Variants in APCDD1L observed in about 807,000 individuals in gnomAD.
The protein encoded by APCDD1L is protein APCDD1-like.
Under a neutral mutation model 24.2 loss-of-function variants are expected in APCDD1L, and 21 were observed. The observed-to-expected ratio is 0.87, with a 90% CI of 0.61 to 1.25. The LOEUF is 1.25. APCDD1L is among the 50% of genes most tolerant of loss of function. APCDD1L has a pLI of 0.00. For missense variants in APCDD1L, 704 were observed against 711.7 expected (o/e 0.99, Z 0.12); for synonymous variants, 321 against 323.6 (o/e 0.99, Z 0.09).
chr20:58,514,703 G>A lies in APCDD1L; in HGVS notation c.5C>T (p.Pro2Leu). MPAAMLPYACVL... is the reference protein window; with the variant it reads MLAAMLPYACVL... ...GCAAGCGTAGGGGAGCATGGCTGCG[G>A]GCATCCCGTCGGGGCTGGCAGGACC... Residue 2 changes from proline to leucine, a missense_variant, in exon 1 of 4, where the codon CCC becomes CTC. Transcript: ENST00000371149. 1 of 1,309,880 alleles carries A rather than the reference G, an allele frequency of 7.6e-7. No individual in the cohort carries two copies. The highest frequency in any genetic ancestry group is 9.8e-7 in the Non-Finnish European group (1 of 1,021,514). The allele number at this position is 1,309,880 out of a possible 1,614,324, so 81.1% of individuals were successfully genotyped here. A position where few individuals can be genotyped will look rare whatever the true frequency, so the allele number is the denominator to read the frequency against.
rs149342906 is a variant in APCDD1L, at chr20:58,489,466, G to C, written c.50-18719C>G. 7.6e-3 allele frequency among the ~76,000 whole-genome samples: 1,153 copies of C among 152,170 alleles called. 12 individuals are homozygous for C. The highest frequency in any genetic ancestry group is 0.016 in the South Asian group (75 of 4,814). ...TGGGAGGCCAAGGCAGGCGGATCAC[G>C]AGGTTAGGAGTTTGAGATCAGCCTG... On this transcript the variant is annotated intron_variant, in intron 1 of 3. Transcript: ENST00000371149.
intron 1 of APCDD1L, among the ~76,000 whole-genome samples, chr20:58,501,958 T>A (rs555667080): frequency 6.6e-6 from 1 of 152,338 alleles, no homozygotes; most frequent in Non-Finnish European, 1.5e-5. Flanking sequence ...TTTTCATCTC[T>A]TAGGACTGGG....
intron 1 of APCDD1L, among the ~76,000 whole-genome samples, chr20:58,504,559 A>C (rs1319570414): frequency 6.6e-6 from 1 of 152,192 alleles, no homozygotes; most frequent in African/African-American, 2.4e-5. Context: ...TAATGCTCCT[A>C]CAGTGTTTCA....
intron 3 of APCDD1L, among the ~76,000 whole-genome samples, chr20:58,466,251 A>G (rs1415746735): frequency 6.6e-6 from 1 of 152,158 alleles, no homozygotes; most frequent in Non-Finnish European, 1.5e-5. Flanking sequence ...GTTGGAGTCA[A>G]GGCGGAACAT....
In APCDD1L at chr20:58,494,509, A is replaced by AT. The variant is rs11464052; in HGVS notation, c.49+20149dup. The stretch of plus-strand genomic sequence containing the variant: ...CACTGCCACACTCAGCTAATTTTTA[A>AT]TTTTTTTTTTGGTAGAGATGGGGTC... On this transcript the variant is annotated intron_variant, in intron 1 of 3. Coordinates refer to ENST00000371149, the MANE Select transcript of APCDD1L (RefSeq NM_153360.3). This position sits in a 1 kb window ranked among gnomAD's most constrained non-coding sequence, Gnocchi z 4.8. Among the ~76,000 whole-genome samples, 112,597 of 149,546 alleles carry AT rather than the reference A, an allele frequency of 0.75. 42,348 individuals carry two copies. The highest frequency in any genetic ancestry group is 0.83 in the East Asian group (4,221 of 5,064).
intron 1 of APCDD1L, among the ~76,000 whole-genome samples, chr20:58,493,947 A>T (rs1473412743): frequency 6.6e-6 from 1 of 152,252 alleles, no homozygotes; most frequent in Non-Finnish European, 1.5e-5. Context: ...CAGAAGCCTA[A>T]CTGATAACAT....
intron 1 of APCDD1L, among the ~76,000 whole-genome samples, chr20:58,495,240 T>G (rs898099522): frequency 3.9e-5 from 6 of 152,172 alleles, no homozygotes; most frequent in Non-Finnish European, 7.3e-5. Context: ...GAGGGCCCAG[T>G]GCAAATTGAA....
intron 1 of APCDD1L, among the ~76,000 whole-genome samples, chr20:58,501,754 T>G (rs148586663): frequency 6.6e-6 from 1 of 152,310 alleles, no homozygotes; most frequent in African/African-American, 2.4e-5. Flanking sequence ...TTTCCATGGA[T>G]GCATTTCCAC....
chr20:58,498,288 C>T (rs942468477), intron 1 of APCDD1L, among the ~76,000 whole-genome samples: 42 of 152,260 alleles, frequency 2.8e-4, no homozygotes, highest in African/African-American at 9.1e-4. Context: ...GAAATTTGTT[C>T]GGAAGGGCAG....
In APCDD1L at chr20:58,461,264, C is replaced by T; in HGVS notation, c.1032G>A (p.Arg344=). 1.2e-6 allele frequency: 2 copies of T among 1,613,264 alleles called. No individual in the cohort carries two copies. Among genetic ancestry groups the T allele is most frequent in the South Asian group, 2.2e-5 (2 of 91,042 alleles). ...ACACCAGCTCGGTGCCGCCGCGGAC[C>T]CTGGTGGATGGCGTGCCCCTGGTGT... The part of the protein sequence containing the change: ...GRYTRGTPST[R]VRGGTELVFE... Residue 344 remains arginine (R), a synonymous_variant, in exon 4 of 4, where the codon AGG becomes AGA. Coordinates refer to ENST00000371149, the MANE Select transcript of APCDD1L (RefSeq NM_153360.3). This position sits in a 1 kb window ranked among gnomAD's most constrained non-coding sequence, Gnocchi z 6.0.
At chr20:58,478,569 T>C (rs1187819531) in intron 1 of APCDD1L, among the ~76,000 whole-genome samples, 2 of 152,116 alleles carry the variant, frequency 1.3e-5, no homozygotes, top group African/African-American at 4.8e-5. Flanking sequence ...CCAATACATA[T>C]TTGTTGTGTT....
At chr20:58,481,439 C>T (rs1393871128) in intron 1 of APCDD1L, among the ~76,000 whole-genome samples, 1 of 152,216 alleles carries the variant, frequency 6.6e-6, no homozygotes, top group African/African-American at 2.4e-5. Flanking sequence ...AGCGGCTGAA[C>T]TCTTCATGGC....
At chr20:58,496,425 T>G (rs910328203) in intron 1 of APCDD1L, among the ~76,000 whole-genome samples, 2 of 152,190 alleles carry the variant, frequency 1.3e-5, no homozygotes, top group Non-Finnish European at 2.9e-5. Flanking sequence ...CAGACATTGC[T>G]CAAATCATCT....
chr20:58,469,601 C>G (rs1478635107), intron 2 of APCDD1L, among the ~76,000 whole-genome samples: 2 of 152,236 alleles, frequency 1.3e-5, no homozygotes, highest in African/African-American at 4.8e-5. Context: ...CCAGTTCTGT[C>G]TGGGTGACCC....
chr20:58,492,811 A>G (rs1427021856), intron 1 of APCDD1L, among the ~76,000 whole-genome samples: 1 of 152,128 alleles, frequency 6.6e-6, no homozygotes, highest in Non-Finnish European at 1.5e-5. Flanking sequence ...GCATGCATAC[A>G]TGCACACACA....
rs759796317 is a variant in APCDD1L at position 58,467,635 on chromosome 20, T to C, written c.212A>G (p.Glu71Gly). Residue 71 changes from glutamate to glycine, a missense_variant, in exon 3 of 4, where the codon GAG becomes GGG. By Grantham distance (98) the Glu-to-Gly change is moderately conservative. Coordinates refer to ENST00000371149, the MANE Select transcript of APCDD1L (RefSeq NM_153360.3). The surrounding 1 kb of genome is among the most constrained non-coding windows in gnomAD (Gnocchi z 5.9). Reference sequence around the variant, plus strand: ...GAAGGTGTAGGCGCGGGTCAGGAACTCCGGTCCTGGGCGCACCTCGCAGCT... The same window carrying C: ...GAAGGTGTAGGCGCGGGTCAGGAACCCCGGTCCTGGGCGCACCTCGCAGCT... ...STGCEVRPGP[E>G]FLTRAYTFYP... The C allele has an allele frequency of 6.6e-7, 1 of 1,512,792 alleles. No individual in the cohort carries two copies. The highest frequency in any genetic ancestry group is 1.3e-5 in the South Asian group (1 of 77,708). The allele number at this position is 1,512,792 out of a possible 1,614,324, so 93.7% of individuals were successfully genotyped here. A position where few individuals can be genotyped will look rare whatever the true frequency, so the allele number is the denominator to read the frequency against.
chr20:58,500,794 C>G (rs534445522), intron 1 of APCDD1L, among the ~76,000 whole-genome samples: 2 of 152,128 alleles, frequency 1.3e-5, no homozygotes, highest in African/African-American at 2.4e-5. Context: ...AGGAAGCCAC[C>G]GTCTACCAGG....
chr20:58,508,918 G>A lies in APCDD1L; in HGVS notation c.49+5741C>T, dbSNP rs1363393397. ...GGAAAGACTGTGTGCACATGCGTGA[G>A]TGTGCATGAGTGTGCGTGAGTGTGT... On this transcript the variant is annotated intron_variant, in intron 1 of 3. Coordinates refer to ENST00000371149, the MANE Select transcript of APCDD1L (RefSeq NM_153360.3). This position sits in a 1 kb window ranked among gnomAD's most constrained non-coding sequence, Gnocchi z 4.0. 6.6e-6 allele frequency among the ~76,000 whole-genome samples: 1 copy of A among 152,110 alleles called. No homozygotes were observed. The highest frequency in any genetic ancestry group is 1.9e-4 in the East Asian group (1 of 5,188).
intron 1 of APCDD1L, among the ~76,000 whole-genome samples, chr20:58,496,529 T>C (rs1429015654): frequency 1.3e-5 from 2 of 152,170 alleles, no homozygotes; most frequent in African/African-American, 2.4e-5. Context: ...AAAGCCCACC[T>C]GGGAAGCGAC....
Sources: allele counts gnomAD v4.1 joint callset (sites outside exome capture counted in the v4.1 genomes callset), GRCh38; gene constraint gnomAD v4.1.1; non-coding constraint Gnocchi (gnomAD v3.1); transcripts MANE v1.5; gene names NCBI Gene and HGNC (gene_info 2026-07-23, HGNC 2026-07-21).